Variants in KCNQ3 observed in about 807,000 individuals in gnomAD.
KCNQ3 encodes potassium voltage-gated channel subfamily Q member 3, also known as potassium voltage-gated channel subfamily KQT member 3.
A neutral mutation model predicts 92.5 loss-of-function variants in KCNQ3; 30 were observed. The ratio of observed to expected loss-of-function variants is 0.32; its 90% confidence interval spans 0.24 to 0.44. KCNQ3 has a LOEUF of 0.44. KCNQ3 is among the 20% of genes least tolerant of loss of function. KCNQ3 has a pLI of 1.00. For missense variants in KCNQ3, 913 were observed against 1,140.3 expected, an observed-to-expected ratio of 0.80 and a Z score of 2.87; for synonymous variants, 450 against 468.8, an observed-to-expected ratio of 0.96 and a Z score of 0.52.
intron 4 of KCNQ3, among the ~76,000 whole-genome samples, chr8:132,176,317 G>A (rs181543733): frequency 2.6e-5 from 4 of 152,168 alleles, no homozygotes; most frequent in Non-Finnish European, 4.4e-5. Flanking sequence ...AGTCAGGATG[G>A]TATGGATGGA....
chr8:132,224,147 C>T (rs1294249458), intron 1 of KCNQ3, among the ~76,000 whole-genome samples: 1 of 118,456 alleles, frequency 8.4e-6, no homozygotes, highest in Non-Finnish European at 1.6e-5. Context: ...GTTGTCAGGG[C>T]TGCTCTTGAA....
intron 9 of KCNQ3, among the ~76,000 whole-genome samples, chr8:132,158,031 GAGGAAA>G (rs1825862495): frequency 6.6e-6 from 1 of 152,126 alleles, no homozygotes; most frequent in Non-Finnish European, 1.5e-5. Flanking sequence ...ATTATCCCAA[GAGGAAA>G]ACTGAGACTA....
intron 1 of KCNQ3, among the ~76,000 whole-genome samples, chr8:132,368,957 T>C (rs1395386166): frequency 1.3e-5 from 2 of 152,194 alleles, no homozygotes; most frequent in Admixed American, 1.3e-4. Context: ...TTCCATATGA[T>C]GTTTAGTTAT....
chr8:132,448,338 C>G (rs1821733559), intron 1 of KCNQ3, among the ~76,000 whole-genome samples: 2 of 151,606 alleles, frequency 1.3e-5, no homozygotes, highest in South Asian at 4.2e-4. Flanking sequence ...GGTCCATGAG[C>G]AAGCAAGATC....
chr8:132,294,757 A>G (rs562169725), intron 1 of KCNQ3, among the ~76,000 whole-genome samples: 3 of 152,326 alleles, frequency 2.0e-5, no homozygotes, highest in African/African-American at 7.2e-5. Flanking sequence ...AGCAAAAGGA[A>G]TACTTATCAT....
Position 132,136,306 on chromosome 8 carries a change from A to G in KCNQ3, c.1700+1579T>C, listed in dbSNP as rs182403152. Among the ~76,000 whole-genome samples the G allele has an allele frequency of 3.2e-4, 48 of 152,210 alleles. No homozygotes were observed. In the East Asian group the frequency reaches 3.9e-3, roughly 12 times the overall value. Reference sequence around the variant, plus strand: ...TGAGGCCCAGAGAGGACGCGTGTCCATTGGAAATCTCACACATGTCAGAGA... The same window carrying G: ...TGAGGCCCAGAGAGGACGCGTGTCCGTTGGAAATCTCACACATGTCAGAGA... On this transcript the variant is annotated intron_variant, in intron 12 of 14. Transcript: ENST00000388996.
At chr8:132,261,389 C>T (rs1815780607) in intron 1 of KCNQ3, among the ~76,000 whole-genome samples, 1 of 152,230 alleles carries the variant, frequency 6.6e-6, no homozygotes, top group Admixed American at 6.5e-5. Context: ...TTGCAGGATT[C>T]CACTCAGCTG....
chr8:132,169,930 G>A (rs1826266827), intron 8 of KCNQ3, among the ~76,000 whole-genome samples: 1 of 152,016 alleles, frequency 6.6e-6, no homozygotes, highest in Admixed American at 6.6e-5. Context: ...CTGAAGTGCT[G>A]TAGCACAATC....
At chr8:132,156,167 TG>T (rs1212001073) in intron 9 of KCNQ3, among the ~76,000 whole-genome samples, 1 of 151,898 alleles carries the variant, frequency 6.6e-6, no homozygotes, top group Non-Finnish European at 1.5e-5. Flanking sequence ...ATACACCAGT[TG>T]ATCAGCACTG....
chr8:132,247,105 C>T (rs1815205662), intron 1 of KCNQ3, among the ~76,000 whole-genome samples: 1 of 152,214 alleles, frequency 6.6e-6, no homozygotes, highest in Non-Finnish European at 1.5e-5. Context: ...CCTGTGACTG[C>T]CTCATTGTGA....
intron 1 of KCNQ3, among the ~76,000 whole-genome samples, chr8:132,425,374 T>C (rs4736580): frequency 0.31 from 47,120 of 152,078 alleles, 7,675 homozygotes; most frequent in African/African-American, 0.38. Context: ...TTGAGACAAG[T>C]AAATTCTCTA....
At chr8:132,432,972 C>A (rs570704381) in intron 1 of KCNQ3, among the ~76,000 whole-genome samples, 1 of 152,260 alleles carries the variant, frequency 6.6e-6, no homozygotes, top group South Asian at 2.1e-4. Context: ...ACGCCAAATT[C>A]TGGGTTAGAT....
chr8:132,362,999 A>G (rs1819214641), intron 1 of KCNQ3, among the ~76,000 whole-genome samples: 1 of 152,144 alleles, frequency 6.6e-6, no homozygotes. Flanking sequence ...TGAAAAGTGA[A>G]GGGGGAGTTA....
At chr8:132,182,686 G>A (rs1035111864) in intron 3 of KCNQ3, among the ~76,000 whole-genome samples, 1 of 152,318 alleles carries the variant, frequency 6.6e-6, no homozygotes, top group Non-Finnish European at 1.5e-5. Flanking sequence ...CACACACTCA[G>A]AACTTCTGGT....
chr8:132,472,728 A>G (rs536645447), intron 1 of KCNQ3, among the ~76,000 whole-genome samples: 40 of 152,296 alleles, frequency 2.6e-4, no homozygotes, highest in South Asian at 8.3e-4. Context: ...ACAACAATGT[A>G]TTGTATAATT....
chr8:132,355,200 A>G (rs1818986637), intron 1 of KCNQ3, among the ~76,000 whole-genome samples: 1 of 152,170 alleles, frequency 6.6e-6, no homozygotes, highest in Non-Finnish European at 1.5e-5. Flanking sequence ...CTGTAGGCTC[A>G]ATGTGCATAA....
At chr8:132,271,239 A>C (rs1816138377) in intron 1 of KCNQ3, among the ~76,000 whole-genome samples, 1 of 152,240 alleles carries the variant, frequency 6.6e-6, no homozygotes, top group African/African-American at 2.4e-5. Context: ...AGGGTGGTCA[A>C]GGGCAAAGGG....
chr8:132,344,305 C>T (rs1008082136), intron 1 of KCNQ3, among the ~76,000 whole-genome samples: 4 of 152,206 alleles, frequency 2.6e-5, no homozygotes, highest in Admixed American at 6.5e-5. Context: ...TTTATAAATG[C>T]ATCATATTCA....
chr8:132,174,471 T>A, intron 5 of KCNQ3, 122 bp from the exon 6 acceptor site: 1 of 776,414 alleles, frequency 1.3e-6, no homozygotes, highest in Non-Finnish European at 2.2e-6. Flanking sequence ...CATAACAAGG[T>A]TCCCTTAGGA....
Sources: gnomAD v4.1 joint callset for allele counts (sites outside exome capture counted in the v4.1 genomes callset) on GRCh38, gnomAD v4.1.1 for gene constraint, MANE v1.5 for transcripts, NCBI Gene and HGNC (gene_info 2026-07-23, HGNC 2026-07-21) for gene names.